The following ASIC2 variants were observed in gnomAD, a reference collection of about 807,000 sequenced individuals.
ASIC2 encodes acid sensing ion channel subunit 2.
ASIC2 carries 25 observed loss-of-function variants against 57.3 expected under a neutral mutation model. The ratio of observed to expected loss-of-function variants is 0.44; its 90% CI spans 0.32 to 0.61. The LOEUF is 0.61. Ranked by LOEUF, ASIC2 falls within the 20% of genes least tolerant of loss-of-function variation. The pLI is 0.06. For synonymous variants in ASIC2, 319 were observed against 307.5 expected (o/e 1.04, Z -0.39); for missense variants, 641 against 738.1 (o/e 0.87, Z 1.52).
rs1244828377 is a variant in ASIC2 at position 33,331,710 on chromosome 17, A to T, written c.556-219643T>A. Among the ~76,000 whole-genome samples, 4 of 152,220 alleles carry T rather than the reference A, an allele frequency of 2.6e-5. No homozygotes were observed. The East Asian group carries it at 5.8e-4, about 22-fold the overall frequency. On this transcript the variant is annotated intron_variant, in intron 1 of 9. Transcript: ENST00000359872. ...GCTAATATTTATTATGCATTTCTAT[A>T]TACCTGATAGTGTGCTAGGTATTTC...
At chr17:33,389,207 C>T (rs1021778838) in intron 1 of ASIC2, among the ~76,000 whole-genome samples, 27 of 152,182 alleles carry the variant, frequency 1.8e-4, no homozygotes, top group African/African-American at 5.8e-4. Flanking sequence ...GCAATCCACC[C>T]GACTCAGCCT....
At chr17:33,913,633 T>A (rs2141960534) in intron 1 of ASIC2, among the ~76,000 whole-genome samples, 1 of 152,324 alleles carries the variant, frequency 6.6e-6, no homozygotes, top group East Asian at 1.9e-4. Context: ...TCCTTAATTA[T>A]TCGATATAAT....
chr17:33,506,609 T>C (rs1255185187), intron 1 of ASIC2, among the ~76,000 whole-genome samples: 2 of 152,234 alleles, frequency 1.3e-5, no homozygotes, highest in Admixed American at 1.3e-4. Flanking sequence ...GCACACAATC[T>C]GTAGTGTAGC....
chr17:33,133,325 G>C (rs376284451), intron 1 of ASIC2, among the ~76,000 whole-genome samples: 1 of 152,204 alleles, frequency 6.6e-6, no homozygotes, highest in African/African-American at 2.4e-5. Context: ...AGCAGTGAGC[G>C]TGCTGGCGGA....
chr17:34,118,024 C>T (rs1462320447), intron 1 of ASIC2, among the ~76,000 whole-genome samples: 1 of 152,166 alleles, frequency 6.6e-6, no homozygotes, highest in Non-Finnish European at 1.5e-5. Flanking sequence ...GGCTTCAAGG[C>T]TCTTCTTCTG....
At chr17:34,077,617 T>C (rs1177824508) in intron 1 of ASIC2, among the ~76,000 whole-genome samples, 2 of 152,154 alleles carry the variant, frequency 1.3e-5, no homozygotes, top group Non-Finnish European at 2.9e-5. Flanking sequence ...AAGGATTTTT[T>C]TCCTCCCTCC....
chr17:33,579,766 A>T (rs12936007), intron 1 of ASIC2, among the ~76,000 whole-genome samples: 3 of 151,896 alleles, frequency 2.0e-5, no homozygotes, highest in Non-Finnish European at 2.9e-5. Context: ...AAACTCATTC[A>T]GAAGAGCAAA....
At chr17:33,145,961 G>C (rs1036863714) in intron 1 of ASIC2, among the ~76,000 whole-genome samples, 1 of 152,244 alleles carries the variant, frequency 6.6e-6, no homozygotes, top group African/African-American at 2.4e-5. Flanking sequence ...GACATGGCCA[G>C]TGGAGATCCA....
chr17:33,849,022 T>G (rs1567733714), intron 1 of ASIC2, among the ~76,000 whole-genome samples: 1 of 152,216 alleles, frequency 6.6e-6, no homozygotes. Context: ...TCTGTACTAT[T>G]TCTGCATTTA....
In ASIC2 at chr17:33,250,077, C is replaced by T. The variant is rs539031224; in HGVS notation, c.708+41331G>A. Among the ~76,000 whole-genome samples the T allele has an allele frequency of 6.6e-5, 10 of 152,204 alleles. No individual in the cohort carries two copies. The East Asian group carries it at 9.7e-4, about 15-fold the overall frequency. ...CTGCTTCTGACAGTTCTATCTGTGT[C>T]GATCTTAGGCAAACTGATTCTCTCT... On this transcript the variant is annotated intron_variant, in intron 1 of 9. Transcript: ENST00000225823.
rs368939219 is a variant in ASIC2 at position 33,419,682 on chromosome 17, GA to G, written c.556-307616del. Reference sequence around the variant, plus strand: ...ATACTGGTACATGTGGGCAAATATGGATGTGCAGGGATAGTAATTGTAGCAT... The same window carrying G: ...ATACTGGTACATGTGGGCAAATATGGTGTGCAGGGATAGTAATTGTAGCAT... On this transcript the variant is annotated intron_variant, in intron 1 of 9. Transcript: ENST00000359872. Among the ~76,000 whole-genome samples the G allele has an allele frequency of 1.3e-4, 20 of 152,314 alleles. No individual in the cohort carries two copies. In the East Asian group the frequency reaches 3.5e-3, roughly 26 times the overall value.
chr17:33,887,402 G>A (rs2141944501), intron 1 of ASIC2, among the ~76,000 whole-genome samples: 1 of 152,264 alleles, frequency 6.6e-6, no homozygotes, highest in African/African-American at 2.4e-5. Context: ...AGAAGAAGAA[G>A]GCACTGTATT....
At chr17:33,035,378 G>T (rs1417050120) in intron 3 of ASIC2, among the ~76,000 whole-genome samples, 2 of 152,068 alleles carry the variant, frequency 1.3e-5, no homozygotes, top group Non-Finnish European at 2.9e-5. Flanking sequence ...TTGTATACTA[G>T]GAGAGAGTCA....
At chr17:33,514,022 A>G (rs1914498622) in intron 1 of ASIC2, among the ~76,000 whole-genome samples, 1 of 152,196 alleles carries the variant, frequency 6.6e-6, no homozygotes, top group Non-Finnish European at 1.5e-5. Flanking sequence ...TGCTGGGGGC[A>G]TGACACATGG....
At chr17:33,370,078 G>A (rs148279595) in intron 1 of ASIC2, among the ~76,000 whole-genome samples, 1 of 152,274 alleles carries the variant, frequency 6.6e-6, no homozygotes, top group African/African-American at 2.4e-5. Flanking sequence ...ACTATTTCCA[G>A]TGCCTGCTGA....
chr17:33,904,313 C>T (rs905256622), intron 1 of ASIC2, among the ~76,000 whole-genome samples: 4 of 152,002 alleles, frequency 2.6e-5, no homozygotes, highest in Non-Finnish European at 4.4e-5. Flanking sequence ...CATCCCAGAC[C>T]CATGGAATCA....
At chr17:33,725,884 G>T (rs918900421) in intron 1 of ASIC2, among the ~76,000 whole-genome samples, 2 of 152,186 alleles carry the variant, frequency 1.3e-5, no homozygotes, top group Admixed American at 6.5e-5. Context: ...AGCCACACGA[G>T]GGCAGCACAT....
chr17:33,897,197 C>G (rs1282985771), intron 1 of ASIC2, among the ~76,000 whole-genome samples: 1 of 152,170 alleles, frequency 6.6e-6, no homozygotes, highest in Admixed American at 6.6e-5. Flanking sequence ...GCTTCTATTC[C>G]AAGTATTGTG....
At chr17:33,871,723 G>A (rs1222939323) in intron 1 of ASIC2, among the ~76,000 whole-genome samples, 1 of 152,174 alleles carries the variant, frequency 6.6e-6, no homozygotes, top group Non-Finnish European at 1.5e-5. Context: ...ACGGGAGGAG[G>A]AGGGATGACA....
Sources: allele counts gnomAD v4.1 joint callset (sites outside exome capture counted in the v4.1 genomes callset), GRCh38; gene constraint gnomAD v4.1.1; transcripts MANE v1.5; gene names NCBI Gene and HGNC (gene_info 2026-07-23, HGNC 2026-07-21).